The following ADAMTS2 variants were observed in gnomAD, a reference collection of about 807,000 sequenced individuals.
ADAMTS2 encodes ADAM metallopeptidase with thrombospondin type 1 motif 2, also known as A disintegrin and metalloproteinase with thrombospondin motifs 2.
Under a neutral mutation model 123.0 loss-of-function variants are expected in ADAMTS2, and 50 were observed. The ratio of observed to expected loss-of-function variants is 0.41; its 90% CI spans 0.32 to 0.51. The LOEUF is 0.51. Ranked by LOEUF, ADAMTS2 falls within the 20% of genes least tolerant of loss-of-function variation. The pLI is 0.35. For missense variants in ADAMTS2, 1,494 were observed against 1,705.2 expected (o/e 0.88, Z 2.18); for synonymous variants, 678 against 695.4 (o/e 0.98, Z 0.39).
At chr5:179,287,859 A>T (rs1449367566) in intron 2 of ADAMTS2, among the ~76,000 whole-genome samples, 8 of 152,188 alleles carry the variant, frequency 5.3e-5, no homozygotes, top group Non-Finnish European at 1.2e-4. Flanking sequence ...CCTTAGAAGC[A>T]GGGGCAGACA....
chr5:179,316,737 G>A (rs922164621), intron 2 of ADAMTS2, among the ~76,000 whole-genome samples: 1 of 152,152 alleles, frequency 6.6e-6, no homozygotes, highest in African/African-American at 2.4e-5. Context: ...AGAAGTTCAA[G>A]ATCAGCCTGG....
rs1026605791 is a variant in ADAMTS2, at chr5:179,112,707, G to A, written c.*1160C>T. ...CCAGAATCCCAGAACCCTTAGACTTGGCCGTAGGGAGATTCCAGGCCCTTG... is the reference window on the plus strand; with the variant it reads ...CCAGAATCCCAGAACCCTTAGACTTAGCCGTAGGGAGATTCCAGGCCCTTG... On this transcript the variant is annotated 3_prime_UTR_variant, in exon 22 of 22. Coordinates refer to ENST00000251582, the MANE Select transcript of ADAMTS2 (RefSeq NM_014244.5). 2.6e-5 allele frequency: 4 copies of A among 152,410 alleles called. No individual in the cohort carries two copies. Among genetic ancestry groups the A allele is most frequent in the African/African-American group, 4.8e-5 (2 of 41,582 alleles). The allele number at this position is 152,410 out of a possible 1,614,324, so 9.4% of individuals were successfully genotyped here.
intron 3 of ADAMTS2, among the ~76,000 whole-genome samples, chr5:179,223,558 A>ACACGCGAATGCACTCG (rs1561814342): frequency 1.3e-5 from 2 of 150,848 alleles, no homozygotes; most frequent in African/African-American, 2.4e-5. Context: ...ATGCACTCAC[A>ACACGCGAATGCACTCG]CACACGCGAA....
At chr5:179,230,676 C>G (rs917472263) in intron 3 of ADAMTS2, among the ~76,000 whole-genome samples, 4 of 152,260 alleles carry the variant, frequency 2.6e-5, no homozygotes, top group Middle Eastern at 3.4e-3. Flanking sequence ...AAACATACCA[C>G]CATTCATGTA....
At chr5:179,291,695 G>A (rs1756194242) in intron 2 of ADAMTS2, among the ~76,000 whole-genome samples, 1 of 152,110 alleles carries the variant, frequency 6.6e-6, no homozygotes, top group African/African-American at 2.4e-5. Context: ...GCTGCAAGAT[G>A]TGTGGTTCTT....
rs370686613 is a variant in ADAMTS2 at position 179,126,114 on chromosome 5, C to G, written c.2634G>C (p.Lys878Asn). 7.4e-6 allele frequency: 12 copies of G among 1,613,192 alleles called. No homozygotes were observed. Among genetic ancestry groups the G allele is most frequent in the African/African-American group, 1.3e-5 (1 of 74,956 alleles). Reference protein sequence around the residue: ...KPCGGGSQFTKYGCRRRLDHK... With the variant: ...KPCGGGSQFTNYGCRRRLDHK... ...GGTCCAGCCTCCGGCGGCAGCCATACTTGGTGAACTGGGACCCTGAAGGCA... is the reference window on the plus strand; with the variant it reads ...GGTCCAGCCTCCGGCGGCAGCCATAGTTGGTGAACTGGGACCCTGAAGGCA... The change falls in exon 18 of 22, where the codon AAG becomes AAC. Residue 878 changes from lysine to asparagine, a missense_variant. Physicochemically the swap from Lys to Asn is moderately conservative, Grantham distance 94. Around this residue, in one of 6 missense-constraint regions of ADAMTS2, gnomAD observed 953 missense variants for 1,124.7 expected, o/e 0.85. Transcript: ENST00000251582.
intron 3 of ADAMTS2, among the ~76,000 whole-genome samples, chr5:179,222,649 C>T (rs982106066): frequency 1.3e-5 from 2 of 152,250 alleles, no homozygotes; most frequent in Non-Finnish European, 2.9e-5. Context: ...TGGTGTGACC[C>T]TTCCAGGTAG....
intron 3 of ADAMTS2, among the ~76,000 whole-genome samples, chr5:179,227,803 G>A (rs1482393224): frequency 6.6e-6 from 1 of 151,912 alleles, no homozygotes; most frequent in African/African-American, 2.4e-5. Flanking sequence ...AGATGGCCGA[G>A]GCCGGGAGGA....
intron 2 of ADAMTS2, among the ~76,000 whole-genome samples, chr5:179,290,599 T>C (rs1411491324): frequency 6.6e-6 from 1 of 152,218 alleles, no homozygotes; most frequent in Admixed American, 6.5e-5. Flanking sequence ...TCTATGCTAT[T>C]TTTGCAACTT....
rs562054966 is a variant in ADAMTS2 at position 179,186,411 on chromosome 5, T to G, written c.892-5256A>C. 2.6e-4 allele frequency among the ~76,000 whole-genome samples: 40 copies of G among 152,280 alleles called. 1 individual carries two copies. The South Asian group carries it at 3.5e-3, about 13-fold the overall frequency. ...AACAGACATGGGGGGCAGGCAGGGT[T>G]TGTGGGGCATGTGAGAGGCAGGGGT... On this transcript the variant is annotated intron_variant, in intron 4 of 21. Coordinates refer to ENST00000251582, the MANE Select transcript of ADAMTS2 (RefSeq NM_014244.5).
rs1021470840 is a variant in ADAMTS2, at chr5:179,317,467, G to A, written c.534+26300C>T. Among the ~76,000 whole-genome samples the A allele has an allele frequency of 5.3e-5, 8 of 152,082 alleles. No individual in the cohort carries two copies. Among genetic ancestry groups the A allele is most frequent in the East Asian group, 1.9e-4 (1 of 5,182 alleles). On this transcript the variant is annotated intron_variant, in intron 2 of 21. Transcript: ENST00000251582. The surrounding 1 kb of genome is among the most constrained non-coding windows in gnomAD (Gnocchi z 4.9). ...GTTCCTCGTGGAGGGAGAGAGATGC[G>A]AGCAGGTGGGCGGAGGGTGCACTCA...
At chr5:179,298,062 G>A (rs554036882) in intron 2 of ADAMTS2, among the ~76,000 whole-genome samples, 12 of 152,150 alleles carry the variant, frequency 7.9e-5, no homozygotes, top group Admixed American at 2.0e-4. Flanking sequence ...CAGCTGCTCC[G>A]GTTTCCACAG....
chr5:179,195,495 A>T (rs58014755), intron 4 of ADAMTS2, among the ~76,000 whole-genome samples: 2,543 of 152,312 alleles, frequency 0.017, 85 homozygotes, highest in African/African-American at 0.057. Context: ...AGATTTCCCA[A>T]AAAAAGTAGA....
At position 179,113,896 on chromosome 5, in the gene ADAMTS2, G is replaced by A. The variant is rs144078893; in HGVS notation, c.3607C>T (p.Arg1203Trp). Residue 1203 changes from arginine to tryptophan, a missense_variant, in exon 22 of 22, where the codon CGG (arginine) becomes TGG (tryptophan). Coordinates refer to ENST00000251582, the MANE Select transcript of ADAMTS2 (RefSeq NM_014244.5). ...AACTTTCCGAGCATCTCTTTCTTCC[G>A]CATCTCATCAATGAGCTCTTGGATT... ...QRIQELIDEMRKKEMLGKF is the reference protein window; with the variant it reads ...QRIQELIDEMWKKEMLGKF 3.5e-5 allele frequency: 57 copies of A among 1,613,900 alleles called. 1 individual carries two copies. Among genetic ancestry groups the A allele is most frequent in the Non-Finnish European group, 4.2e-5 (49 of 1,179,998 alleles).
intron 2 of ADAMTS2, among the ~76,000 whole-genome samples, chr5:179,294,116 T>C (rs927948661): frequency 7.2e-5 from 11 of 151,870 alleles, no homozygotes; most frequent in Admixed American, 5.2e-4. Context: ...ATTAGCTGGG[T>C]GTGGTGGTGC....
At chr5:179,122,253 G>A (rs10447301) in intron 20 of ADAMTS2, among the ~76,000 whole-genome samples, 2 of 152,092 alleles carry the variant, frequency 1.3e-5, no homozygotes, top group African/African-American at 2.4e-5. Flanking sequence ...CATGTATAGC[G>A]TTTGGACAGG....
chr5:179,226,257 C>G (rs1414918242), intron 3 of ADAMTS2, among the ~76,000 whole-genome samples: 1 of 116,868 alleles, frequency 8.6e-6, no homozygotes, highest in Non-Finnish European at 2.1e-5. Context: ...TCTTTCTTCT[C>G]TTTCTTCTTT....
Position 179,344,914 on chromosome 5 carries a change from T to C in ADAMTS2, c.139+276A>G, listed in dbSNP as rs114426619. Among the ~76,000 whole-genome samples the C allele has an allele frequency of 0.34, 51,243 of 152,022 alleles. 9,122 individuals are homozygous for C. The highest frequency in any genetic ancestry group is 0.52 in the South Asian group (2,528 of 4,832). On this transcript the variant is annotated intron_variant, in intron 1 of 21. Coordinates refer to ENST00000251582, the MANE Select transcript of ADAMTS2 (RefSeq NM_014244.5). ...CCCGCTGGGGCTGACTCTGCGCTCTTGGCCGCGGGGCTTTTCCCGGCCCTC... is the reference window on the plus strand; with the variant it reads ...CCCGCTGGGGCTGACTCTGCGCTCTCGGCCGCGGGGCTTTTCCCGGCCCTC...
rs1197989037 is a variant in ADAMTS2, at chr5:179,227,365, G to C, written c.689-19650C>G. On this transcript the variant is annotated intron_variant, in intron 3 of 21. Coordinates refer to ENST00000251582, the MANE Select transcript of ADAMTS2 (RefSeq NM_014244.5). ...CCCCCAGGGGTCAGGGGCAGAGGGA[G>C]CCCCCAGCCTGGCCTGCTCCCTGAC... 2.6e-5 allele frequency among the ~76,000 whole-genome samples: 4 copies of C among 152,172 alleles called. No individual in the cohort carries two copies. The South Asian group carries it at 8.3e-4, about 32-fold the overall frequency.
Sources: allele counts gnomAD v4.1 joint callset (sites outside exome capture counted in the v4.1 genomes callset), GRCh38; gene constraint gnomAD v4.1.1; regional missense constraint gnomAD v4.1.1; non-coding constraint Gnocchi (gnomAD v3.1); transcripts MANE v1.5; gene names NCBI Gene and HGNC (gene_info 2026-07-23, HGNC 2026-07-21).